PRMT3: variants seen among roughly 807,000 people sequenced by gnomAD.
PRMT3 encodes protein arginine N-methyltransferase 3.
Under a neutral mutation model 71.9 loss-of-function variants are expected in PRMT3, and 62 were observed. That is an observed-to-expected ratio of 0.86 (90% confidence interval 0.70 to 1.07). The LOEUF (loss-of-function observed/expected upper bound fraction) is 1.07, where lower values mean the gene tolerates loss of function less well. Ranked by LOEUF, PRMT3 falls within the 50% of genes least tolerant of loss-of-function variation. The pLI is 0.00. For synonymous variants in PRMT3, 213 were observed against 220.4 expected (o/e 0.97, Z 0.30); for missense variants, 663 against 643.0 (o/e 1.03, Z -0.34).
intron 15 of PRMT3, among the ~76,000 whole-genome samples, chr11:20,504,745 A>AGAGAGAGC (rs1491497481): frequency 1.8e-4 from 25 of 141,140 alleles, no homozygotes; most frequent in African/African-American, 4.4e-4. Flanking sequence ...AGAGAGAGAG[A>AGAGAGAGC]GCGAGAGCGA....
At chr11:20,502,318 C>G (rs1243294098) in intron 15 of PRMT3, among the ~76,000 whole-genome samples, 1 of 152,184 alleles carries the variant, frequency 6.6e-6, no homozygotes, top group Non-Finnish European at 1.5e-5. Flanking sequence ...GAAGGGAGAT[C>G]AGCAGTGTGA....
At chr11:20,394,383 TG>T (rs1423961185) in intron 5 of PRMT3, among the ~76,000 whole-genome samples, 1 of 152,142 alleles carries the variant, frequency 6.6e-6, no homozygotes, top group Non-Finnish European at 1.5e-5. Context: ...CACTCCACCT[TG>T]CCCAGGATGA....
chr11:20,456,742 G>T (rs1162125991), intron 11 of PRMT3, among the ~76,000 whole-genome samples: 1 of 152,084 alleles, frequency 6.6e-6, no homozygotes, highest in Admixed American at 6.5e-5. Context: ...AAGACTGCTA[G>T]AATTATGAAG....
chr11:20,409,321 A>G (rs1403344082), intron 9 of PRMT3, among the ~76,000 whole-genome samples: 1 of 152,166 alleles, frequency 6.6e-6, no homozygotes, highest in Admixed American at 6.5e-5. Flanking sequence ...AACGTGTTAG[A>G]AATCTCAGTT....
intron 9 of PRMT3, 140 bp from the exon 10 acceptor site, chr11:20,426,626 A>G (rs367787944): frequency 9.1e-4 from 836 of 917,472 alleles, no homozygotes; most frequent in Non-Finnish European, 1.1e-3. Context: ...AATAATTACA[A>G]TGTCCAAAGA....
At chr11:20,412,354 T>A (rs1196695917) in intron 9 of PRMT3, among the ~76,000 whole-genome samples, 1 of 151,828 alleles carries the variant, frequency 6.6e-6, no homozygotes. Context: ...TATGAATTTT[T>A]AAAAATCTGT....
chr11:20,492,315 T>C (rs1048777515), intron 13 of PRMT3, among the ~76,000 whole-genome samples: 1 of 152,194 alleles, frequency 6.6e-6, no homozygotes, highest in Non-Finnish European at 1.5e-5. Context: ...GTATCATAAG[T>C]ATCTGGAAAT....
chr11:20,433,597 G>T (rs1312860879), intron 10 of PRMT3, among the ~76,000 whole-genome samples: 1 of 151,868 alleles, frequency 6.6e-6, no homozygotes, highest in Non-Finnish European at 1.5e-5. Context: ...GGAATTGTTG[G>T]GTCACAAGGT....
intron 13 of PRMT3, 61 bp downstream of exon 13, chr11:20,464,607 A>G (rs1850465748): frequency 3.8e-6 from 6 of 1,592,016 alleles, no homozygotes; most frequent in Non-Finnish European, 5.1e-6. Context: ...TGGCAGGCTA[A>G]TGAGTTTAAT....
chr11:20,426,818 G>T lies in PRMT3; in HGVS notation c.946G>T (p.Val316Phe). 1 of 1,527,640 alleles carries T rather than the reference G, an allele frequency of 6.5e-7. No homozygotes were observed. Among genetic ancestry groups the T allele is most frequent in the Non-Finnish European group, 8.7e-7 (1 of 1,149,558 alleles). The allele number at this position is 1,527,640 out of a possible 1,614,324, so 94.6% of individuals were successfully genotyped here. A position where few individuals can be genotyped will look rare whatever the true frequency, so the allele number is the denominator to read the frequency against. ...ACTAATTAAAGGAAAGATTGAAGAA[G>T]TTCATCTTCCTGTAGAAAAAGTAGA... is the stretch of plus-strand genomic sequence containing the variant. ...ITLIKGKIEE[V>F]HLPVEKVDVI... Residue 316 changes from valine to phenylalanine, a missense_variant, in exon 10 of 16, where the codon GTT (valine) becomes TTT (phenylalanine). Val to Phe is a conservative substitution (Grantham distance 50). Coordinates refer to ENST00000331079, the MANE Select transcript of PRMT3 (RefSeq NM_005788.4).
At chr11:20,396,366 C>T (rs1050188606) in intron 6 of PRMT3, among the ~76,000 whole-genome samples, 11 of 152,100 alleles carry the variant, frequency 7.2e-5, no homozygotes, top group African/African-American at 2.4e-4. Flanking sequence ...AGGCCGGGTG[C>T]GGTGGCTCAC....
intron 13 of PRMT3, among the ~76,000 whole-genome samples, chr11:20,476,785 A>G (rs757036264): frequency 6.6e-6 from 1 of 151,788 alleles, no homozygotes; most frequent in African/African-American, 2.4e-5. Context: ...AGTTTGATCC[A>G]TCTTTTTATC....
chr11:20,507,668 A>G (rs766618835), intron 15 of PRMT3, among the ~76,000 whole-genome samples: 2 of 152,052 alleles, frequency 1.3e-5, no homozygotes, highest in African/African-American at 4.8e-5. Flanking sequence ...AATCCCAGCT[A>G]CTTGGGAGGC....
At chr11:20,389,638 A>G (rs1565189589) in intron 2 of PRMT3, 106 bp from the exon 3 acceptor site, 2 of 638,384 alleles carry the variant, frequency 3.1e-6, no homozygotes, top group South Asian at 2.6e-5. Context: ...AAGTAAAACT[A>G]GAAACCAGCA....
chr11:20,470,872 G>A lies in PRMT3; in HGVS notation c.1347+6326G>A, dbSNP rs568184494. ...CATTTCCACCAACCATGTAAACAGC[G>A]TTCCTCCTTCTCCACAACCTCACCA... is the stretch of plus-strand genomic sequence containing the variant. On this transcript the variant is annotated intron_variant, in intron 13 of 15. Transcript: ENST00000331079. Among the ~76,000 whole-genome samples the A allele has an allele frequency of 1.8e-4, 27 of 152,180 alleles. No individual in the cohort carries two copies. In the East Asian group the frequency reaches 3.1e-3, roughly 17 times the overall value.
chr11:20,462,868 T>A (rs1850417367), intron 12 of PRMT3, among the ~76,000 whole-genome samples: 2 of 151,490 alleles, frequency 1.3e-5, no homozygotes, highest in Non-Finnish European at 2.9e-5. Flanking sequence ...ATTGTCTTTG[T>A]CTCAAGAGAA....
chr11:20,473,192 T>G (rs1283335781), intron 13 of PRMT3, among the ~76,000 whole-genome samples: 1 of 152,122 alleles, frequency 6.6e-6, no homozygotes, highest in African/African-American at 2.4e-5. Flanking sequence ...TCCTGGATTC[T>G]TTGATGTTTT....
At chr11:20,400,602 C>T (rs965876926) in intron 7 of PRMT3, among the ~76,000 whole-genome samples, 2 of 152,126 alleles carry the variant, frequency 1.3e-5, no homozygotes, top group African/African-American at 4.8e-5. Flanking sequence ...GCTGCATTCT[C>T]TTTATTGTAT....
chr11:20,402,187 T>C (rs1810101471), intron 7 of PRMT3, among the ~76,000 whole-genome samples: 1 of 152,108 alleles, frequency 6.6e-6, no homozygotes, highest in Admixed American at 6.6e-5. Flanking sequence ...TGGTGCAATC[T>C]CAGCTCACCG....
Sources: gnomAD v4.1 joint callset for allele counts (sites outside exome capture counted in the v4.1 genomes callset) on GRCh38, gnomAD v4.1.1 for gene constraint, MANE v1.5 for transcripts, NCBI Gene and HGNC (gene_info 2026-07-23, HGNC 2026-07-21) for gene names.